Variants in VPS13A observed in about 807,000 individuals in gnomAD.
The protein encoded by VPS13A is intermembrane lipid transfer protein VPS13A.
A neutral mutation model predicts 390.9 loss-of-function variants in VPS13A; 264 were observed. The observed-to-expected ratio is 0.68, with a 90% CI of 0.61 to 0.75. The LOEUF (loss-of-function observed/expected upper bound fraction) is 0.75, where lower values mean the gene tolerates loss of function less well. Among genes scored for constraint, VPS13A ranks in the 30% least tolerant of loss-of-function variants. The pLI, the probability that VPS13A is intolerant of heterozygous loss-of-function variation, is 0.00. For synonymous variants in VPS13A, 1,231 were observed against 1,227.1 expected (o/e 1.00, Z -0.07); for missense variants, 3,409 against 3,733.9 (o/e 0.91, Z 2.27).
intron 1 of VPS13A, among the ~76,000 whole-genome samples, chr9:77,184,720 A>T (rs543053184): frequency 2.0e-5 from 3 of 152,266 alleles, no homozygotes; most frequent in African/African-American, 7.2e-5. Flanking sequence ...TGTTGGTGTG[A>T]TACATTACAT....
Position 77,276,080 on chromosome 9 carries a change from T to G in VPS13A, c.2683T>G (p.Tyr895Asp). The change falls in exon 26 of 72, where the codon TAT becomes GAT. Residue 895 changes from tyrosine (Y) to aspartate (D), a missense_variant. Transcript: ENST00000360280. Reference protein sequence around the residue: ...FEVPKVLIEFYHLVGDCELSV... With the variant: ...FEVPKVLIEFDHLVGDCELSV... ...TCTTCTCCAGGTTTTGATCGAGTTT[T>G]ATCACCTTGTTGGAGATTGTGAACT... 1 of 1,612,722 alleles carries G rather than the reference T, an allele frequency of 6.2e-7. No homozygotes were observed. The highest frequency in any genetic ancestry group is 8.5e-7 in the Non-Finnish European group (1 of 1,179,750).
chr9:77,282,763 C>T (rs1827112691), intron 29 of VPS13A, among the ~76,000 whole-genome samples: 1 of 151,948 alleles, frequency 6.6e-6, no homozygotes, highest in African/African-American at 2.4e-5. Flanking sequence ...GCCTGGGCAA[C>T]ATAGCAAGAC....
chr9:77,198,958 C>T (rs772785470), intron 1 of VPS13A, among the ~76,000 whole-genome samples: 8 of 152,274 alleles, frequency 5.3e-5, no homozygotes, highest in Middle Eastern at 6.8e-3. Context: ...CCACCGCTCC[C>T]GGCTGGGATC....
chr9:77,344,694 G>A (rs1688956937), intron 51 of VPS13A, among the ~76,000 whole-genome samples: 1 of 151,922 alleles, frequency 6.6e-6, no homozygotes, highest in African/African-American at 2.4e-5. Flanking sequence ...GGGAGGTGGA[G>A]CTTGCAGTGA....
chr9:77,214,939 G>A (rs1223486371), intron 10 of VPS13A, among the ~76,000 whole-genome samples: 4 of 152,072 alleles, frequency 2.6e-5, no homozygotes, highest in East Asian at 3.9e-4. Context: ...AATCTCTTTC[G>A]TATTTTAGTA....
chr9:77,316,770 T>G (rs935844999), intron 39 of VPS13A, among the ~76,000 whole-genome samples: 9 of 152,172 alleles, frequency 5.9e-5, no homozygotes, highest in African/African-American at 2.2e-4. Flanking sequence ...TTGTTTCAAC[T>G]TTTTTCTCCC....
Position 77,308,028 on chromosome 9 carries a change from A to C in VPS13A, c.4044A>C (p.Ser1348=). ...GGTATGAAAAAGATGGTAGTGCCTC[A>C]CCTGCTGTAACAAAAGACCAATACA... is the stretch of plus-strand genomic sequence containing the variant. ...NIWYEKDGSA[S]PAVTKDQYSA... is the part of the protein sequence containing the mutation. The change falls in exon 35 of 72, where the codon TCA becomes TCC. Residue 1348 remains serine (S), a synonymous_variant. Coordinates refer to ENST00000360280, the MANE Select transcript of VPS13A (RefSeq NM_033305.3). 6.2e-7 allele frequency: 1 copy of C among 1,613,650 alleles called. No individual in the cohort carries two copies. The highest frequency in any genetic ancestry group is 8.5e-7 in the Non-Finnish European group (1 of 1,179,632).
At chr9:77,330,973 T>A (rs1830247134) in intron 45 of VPS13A, among the ~76,000 whole-genome samples, 1 of 152,170 alleles carries the variant, frequency 6.6e-6, no homozygotes, top group African/African-American at 2.4e-5. Context: ...ACAGAAATGT[T>A]ACACTGTTCA....
chr9:77,366,731 A>G lies in VPS13A; in HGVS notation c.8330A>G (p.His2777Arg). 2 of 1,611,230 alleles carry G rather than the reference A, an allele frequency of 1.2e-6. No individual in the cohort carries two copies. Among genetic ancestry groups the G allele is most frequent in the Non-Finnish European group, 1.7e-6 (2 of 1,178,106 alleles). The change falls in exon 61 of 72, where the codon CAT (histidine) becomes CGT (arginine). Residue 2777 changes from histidine (H) to arginine (R), a missense_variant. Physicochemically the swap from His to Arg is conservative, Grantham distance 29 (BLOSUM62 0). This residue lies in a region of VPS13A where 123 missense variants were observed against 118.7 expected (regional missense o/e 1.04). Coordinates refer to ENST00000360280, the MANE Select transcript of VPS13A (RefSeq NM_033305.3). ...EYFHISPIKL[H>R]LSVSLSSGRE... ...TTTATCTCTTTATCTTTTTAGTTACATTTAAGTGTTTCACTGAGTTCCGGC... is the reference window on the plus strand; with the variant it reads ...TTTATCTCTTTATCTTTTTAGTTACGTTTAAGTGTTTCACTGAGTTCCGGC...
chr9:77,395,052 T>C (rs911261123), intron 68 of VPS13A, among the ~76,000 whole-genome samples: 1 of 152,210 alleles, frequency 6.6e-6, no homozygotes, highest in African/African-American at 2.4e-5. Context: ...AGTAACACTT[T>C]CATAATACTT....
intron 17 of VPS13A, among the ~76,000 whole-genome samples, chr9:77,237,472 T>C (rs539725927): frequency 5.3e-4 from 79 of 149,738 alleles, no homozygotes; most frequent in African/African-American, 1.9e-3. Context: ...TCAAGCGATT[T>C]TCCTGCCTCA....
At chr9:77,331,249 T>A (rs1830261362) in intron 45 of VPS13A, among the ~76,000 whole-genome samples, 1 of 152,086 alleles carries the variant, frequency 6.6e-6, no homozygotes, top group African/African-American at 2.4e-5. Context: ...GGAGCAGAAT[T>A]CCTAAGAAGA....
intron 34 of VPS13A, among the ~76,000 whole-genome samples, chr9:77,303,800 A>G (rs1048077637): frequency 4.6e-5 from 7 of 152,198 alleles, no homozygotes; most frequent in African/African-American, 1.2e-4. Context: ...GGAGTAAAGA[A>G]TAACAAAGCA....
chr9:77,408,965 A>G (rs1392756955), intron 71 of VPS13A, among the ~76,000 whole-genome samples: 1 of 152,232 alleles, frequency 6.6e-6, no homozygotes, highest in African/African-American at 2.4e-5. Context: ...CCCAGCACAC[A>G]GCTGGACATC....
At chr9:77,307,366 G>A (rs1257441350) in intron 34 of VPS13A, among the ~76,000 whole-genome samples, 2 of 152,198 alleles carry the variant, frequency 1.3e-5, no homozygotes, top group African/African-American at 4.8e-5. Context: ...TGAGGTCAGA[G>A]GTTGAGCCCA....
intron 17 of VPS13A, among the ~76,000 whole-genome samples, chr9:77,237,299 G>A (rs1377287901): frequency 6.6e-6 from 1 of 152,112 alleles, no homozygotes; most frequent in Non-Finnish European, 1.5e-5. Context: ...GGGGAGAAGA[G>A]TTGCTGAGCT....
intron 44 of VPS13A, among the ~76,000 whole-genome samples, chr9:77,322,326 T>G (rs1316804287): frequency 2.0e-5 from 3 of 151,902 alleles, no homozygotes; most frequent in Non-Finnish European, 4.4e-5. Flanking sequence ...ATGTAGTCAT[T>G]GTGAAGTTAA....
intron 19 of VPS13A, among the ~76,000 whole-genome samples, chr9:77,246,051 C>T (rs945114577): frequency 3.3e-5 from 5 of 152,120 alleles, no homozygotes; most frequent in Non-Finnish European, 7.4e-5. Flanking sequence ...CAACATCAAG[C>T]CATTTGTGAG....
intron 31 of VPS13A, among the ~76,000 whole-genome samples, chr9:77,292,976 A>G (rs1827763869): frequency 1.3e-5 from 2 of 151,966 alleles, no homozygotes; most frequent in Admixed American, 1.3e-4. Flanking sequence ...AGTGTTTTTC[A>G]AATTTTTGTC....
Sources: allele counts gnomAD v4.1 joint callset (sites outside exome capture counted in the v4.1 genomes callset), GRCh38; gene constraint gnomAD v4.1.1; regional missense constraint gnomAD v4.1.1; transcripts MANE v1.5; gene names NCBI Gene and HGNC (gene_info 2026-07-23, HGNC 2026-07-21).